Variants in WNK1 observed in about 807,000 individuals in gnomAD.
WNK1 encodes the protein WNK lysine deficient protein kinase 1, also known as serine/threonine-protein kinase WNK1.
WNK1 carries 38 observed loss-of-function variants against 222.8 expected under a neutral mutation model. That is an observed-to-expected ratio of 0.17 (90% CI 0.13 to 0.22). WNK1 has a LOEUF of 0.22. WNK1 is among the 10% of genes least tolerant of loss of function. The pLI is 1.00. For missense variants in WNK1, 2,348 were observed against 2,918.4 expected, an observed-to-expected ratio of 0.80 and a Z score of 4.50; for synonymous variants, 1,090 against 1,092.9, an observed-to-expected ratio of 1.00 and a Z score of 0.05.
chr12:884,739 G>A lies in WNK1; in HGVS notation c.3935G>A (p.Arg1312His), dbSNP rs375565845. ...SLQQAFSELR[R>H]AQMTEGPNTA... ...CAACAGGCCTTTTCTGAACTTAGAC[G>A]TGCCCAAATGACAGAAGGACCCAAC... Residue 1312 changes from arginine to histidine, a missense_variant, in exon 19 of 28, where the codon CGT becomes CAT. Transcript: ENST00000315939. The surrounding 1 kb of genome is among the most constrained non-coding windows in gnomAD (Gnocchi z 5.6). The A allele has an allele frequency of 2.8e-5, 45 of 1,613,964 alleles. No homozygotes were observed. Among genetic ancestry groups the A allele is most frequent in the Middle Eastern group, 1.6e-4 (1 of 6,084 alleles).
intron 1 of WNK1, among the ~76,000 whole-genome samples, chr12:774,855 C>G (rs1336982671): frequency 6.6e-6 from 1 of 152,114 alleles, no homozygotes; most frequent in Non-Finnish European, 1.5e-5. Context: ...TTTTTGCCTT[C>G]AGGTGCTTTT....
At chr12:852,183 T>A (rs1351470452) in intron 4 of WNK1, among the ~76,000 whole-genome samples, 1 of 152,194 alleles carries the variant, frequency 6.6e-6, no homozygotes, top group South Asian at 2.1e-4. Flanking sequence ...TATATAGAAT[T>A]CAAATGAGAA....
At chr12:859,502 T>TTA (rs757706522) in intron 6 of WNK1, 38 bp downstream of exon 6, 4 of 1,489,278 alleles carry the variant, frequency 2.7e-6, no homozygotes, top group African/African-American at 1.4e-5. Flanking sequence ...TGATTTAGAC[T>TTA]TATATATATC....
chr12:816,497 C>T (rs183045244), intron 2 of WNK1, among the ~76,000 whole-genome samples: 2 of 151,758 alleles, frequency 1.3e-5, no homozygotes, highest in Admixed American at 1.3e-4. Context: ...CCAGGCTGCT[C>T]TCAAACTCCT....
chr12:881,328 T>G (rs1953139071), intron 12 of WNK1: 3 of 442,076 alleles, frequency 6.8e-6, no homozygotes, highest in Non-Finnish European at 1.3e-5. Flanking sequence ...CCTCCTGTGC[T>G]CTCAGCAATC....
At chr12:767,558 T>C (rs1398326666) in intron 1 of WNK1, among the ~76,000 whole-genome samples, 3 of 151,996 alleles carry the variant, frequency 2.0e-5, no homozygotes, top group Non-Finnish European at 4.4e-5. Context: ...GCCGGGTTGA[T>C]AGGGGTTTTC....
intron 26 of WNK1, among the ~76,000 whole-genome samples, chr12:904,842 A>G (rs138500788): frequency 6.6e-6 from 1 of 152,302 alleles, no homozygotes; most frequent in African/African-American, 2.4e-5. Flanking sequence ...TGACGAAAGC[A>G]TACAAAAGTC....
chr12:821,049 T>G (rs955262957), intron 2 of WNK1, among the ~76,000 whole-genome samples: 3 of 110,752 alleles, frequency 2.7e-5, no homozygotes, highest in Non-Finnish European at 6.5e-5. Context: ...TGAGTTTTTT[T>G]TTTTTTTTTT....
rs941842027 is a variant in WNK1 at position 813,829 on chromosome 12, A to T, written c.932+15A>T. 2.0e-5 allele frequency: 33 copies of T among 1,612,954 alleles called. No individual in the cohort carries two copies. Among genetic ancestry groups the T allele is most frequent in the Non-Finnish European group, 2.6e-5 (31 of 1,179,466 alleles). On this transcript the variant is annotated intron_variant, in intron 2 of 27. Transcript: ENST00000315939. ...ACACTTAAAACGTAAGTTCATCAGT[A>T]TTACAAAAGCTGACCAAGAAGTATG...
rs867112667 is a variant in WNK1 at position 820,478 on chromosome 12, T to G, written c.933-6564T>G. On this transcript the variant is annotated intron_variant, in intron 2 of 27. Coordinates refer to ENST00000315939, the MANE Select transcript of WNK1 (RefSeq NM_018979.4). The stretch of plus-strand genomic sequence containing the variant: ...TTCATTCTTTGGGGTTTTTTTTTTT[T>G]TTTTTTTTTTTTAAACAGATGGGGT... Among the ~76,000 whole-genome samples the G allele has an allele frequency of 2.3e-3, 349 of 148,532 alleles. 1 individual carries two copies. The highest frequency in any genetic ancestry group is 8.4e-3 in the African/African-American group (342 of 40,544).
intron 4 of WNK1, among the ~76,000 whole-genome samples, chr12:843,863 A>C (rs1306415801): frequency 6.6e-6 from 1 of 152,162 alleles, no homozygotes; most frequent in Non-Finnish European, 1.5e-5. Context: ...ATGTACATTA[A>C]AGTTTGAGAA....
intron 1 of WNK1, among the ~76,000 whole-genome samples, chr12:803,551 G>T (rs1046189789): frequency 6.6e-6 from 1 of 152,132 alleles, no homozygotes; most frequent in Admixed American, 6.5e-5. Context: ...GGGAGGCTGA[G>T]GCGGGTGGAT....
At chr12:906,367 T>C (rs1174722476) in intron 26 of WNK1, 2 of 985,160 alleles carry the variant, frequency 2.0e-6, no homozygotes, top group Non-Finnish European at 2.4e-6. Flanking sequence ...CCCTCCTCTC[T>C]CATCAAACCG....
intron 2 of WNK1, among the ~76,000 whole-genome samples, chr12:820,204 C>T (rs746265367): frequency 5.3e-5 from 8 of 152,150 alleles, no homozygotes; most frequent in Non-Finnish European, 1.2e-4. Context: ...CACAGGGTGT[C>T]TGTCCATTTA....
At chr12:771,159 G>A (rs10774458) in intron 1 of WNK1, among the ~76,000 whole-genome samples, 85,482 of 151,432 alleles carry the variant, frequency 0.56, 24,505 homozygotes, top group East Asian at 0.81. Context: ...CACCACGCCC[G>A]GCTAATTTTT....
chr12:906,909 C>T (rs1026855663), intron 26 of WNK1: 14 of 240,830 alleles, frequency 5.8e-5, no homozygotes, highest in East Asian at 5.4e-4. Flanking sequence ...GAAGTGCATA[C>T]GTCTAGTCCC....
At chr12:830,376 C>T (rs1050990676) in intron 4 of WNK1, among the ~76,000 whole-genome samples, 2 of 152,136 alleles carry the variant, frequency 1.3e-5, no homozygotes, top group African/African-American at 4.8e-5. Flanking sequence ...CCTGTACCCA[C>T]CTTGCATTCA....
chr12:773,198 C>T lies in WNK1; in HGVS notation c.759+18874C>T, dbSNP rs185915730. On this transcript the variant is annotated intron_variant, in intron 1 of 27. Transcript: ENST00000315939. ...GCTTGAACCCGGGAGGCGGAGGTTG[C>T]GGTGAGCTGAGATTGCGCCATTGCA... 3.4e-4 allele frequency among the ~76,000 whole-genome samples: 52 copies of T among 151,914 alleles called. No homozygotes were observed. In the East Asian group the frequency reaches 8.1e-3, roughly 24 times the overall value.
At chr12:780,513 A>C (rs1466567812) in intron 1 of WNK1, among the ~76,000 whole-genome samples, 1 of 152,218 alleles carries the variant, frequency 6.6e-6, no homozygotes, top group East Asian at 1.9e-4. Context: ...GGGAAAAGAA[A>C]AGTGCTATAA....
Sources: allele counts gnomAD v4.1 joint callset (sites outside exome capture counted in the v4.1 genomes callset), GRCh38; gene constraint gnomAD v4.1.1; non-coding constraint Gnocchi (gnomAD v3.1); transcripts MANE v1.5; gene names NCBI Gene and HGNC (gene_info 2026-07-23, HGNC 2026-07-21).